Variants in PPP1R12B observed in about 807,000 individuals in gnomAD.
PPP1R12B encodes the protein protein phosphatase 1 regulatory subunit 12B.
Under a neutral mutation model 126.1 loss-of-function variants are expected in PPP1R12B, and 76 were observed. The observed-to-expected ratio is 0.60, with a 90% CI of 0.50 to 0.73. The LOEUF (loss-of-function observed/expected upper bound fraction) is 0.73, where lower values mean the gene tolerates loss of function less well. Ranked by LOEUF, PPP1R12B falls within the 30% of genes least tolerant of loss-of-function variation. PPP1R12B has a pLI of 0.00. For synonymous variants in PPP1R12B, 356 were observed against 434.7 expected (o/e 0.82, Z 2.25); for missense variants, 1,052 against 1,205.1 (o/e 0.87, Z 1.88).
At chr1:202,566,513 T>C (rs1490035469) in intron 21 of PPP1R12B, among the ~76,000 whole-genome samples, 1 of 152,182 alleles carries the variant, frequency 6.6e-6, no homozygotes, top group Non-Finnish European at 1.5e-5. Flanking sequence ...ACCCCAACTC[T>C]AAGGGAGTCA....
chr1:202,579,117 ATTTTCT>A (rs1017887380), intron 23 of PPP1R12B, among the ~76,000 whole-genome samples: 9 of 152,232 alleles, frequency 5.9e-5, no homozygotes, highest in South Asian at 2.1e-4. Context: ...ATATTCAGTA[ATTTTCT>A]TTTTATTTCC....
At chr1:202,387,309 A>C (rs1340402181) in intron 1 of PPP1R12B, among the ~76,000 whole-genome samples, 1 of 152,232 alleles carries the variant, frequency 6.6e-6, no homozygotes, top group Admixed American at 6.5e-5. Context: ...GTTATGTAGA[A>C]GGTTTCATTG....
At chr1:202,369,739 CATGG>C (rs1398097293) in intron 1 of PPP1R12B, 1 of 159,106 alleles carries the variant, frequency 6.3e-6, no homozygotes, top group Non-Finnish European at 1.4e-5. Flanking sequence ...ATAAATAGAC[CATGG>C]AGATTTGGCT....
At chr1:202,457,706 G>A (rs1180168525) in intron 13 of PPP1R12B, among the ~76,000 whole-genome samples, 1 of 152,096 alleles carries the variant, frequency 6.6e-6, no homozygotes, top group Non-Finnish European at 1.5e-5. Flanking sequence ...ATAGAGGAGG[G>A]GAATCTAAAT....
At chr1:202,563,382 G>A (rs1687722463) in intron 20 of PPP1R12B, among the ~76,000 whole-genome samples, 1 of 152,108 alleles carries the variant, frequency 6.6e-6, no homozygotes, top group African/African-American at 2.4e-5. Flanking sequence ...CTCCCAAAGT[G>A]CTGGGATTAC....
chr1:202,396,173 A>G (rs978546274), intron 1 of PPP1R12B, among the ~76,000 whole-genome samples: 1 of 152,194 alleles, frequency 6.6e-6, no homozygotes, highest in African/African-American at 2.4e-5. Flanking sequence ...AAGTGCTTTA[A>G]CATGAGACTT....
rs186270295 is a variant in PPP1R12B, at chr1:202,500,599, C to T, written c.2490+3777C>T. On this transcript the variant is annotated intron_variant, in intron 18 of 23. Coordinates refer to ENST00000608999, the MANE Select transcript of PPP1R12B (RefSeq NM_002481.4). Reference sequence around the variant, plus strand: ...CTGGAGTCTGGAAAAGGGAGATAGTCAGAGGTTGGTTAACAGATATAAAAT... The same window carrying T: ...CTGGAGTCTGGAAAAGGGAGATAGTTAGAGGTTGGTTAACAGATATAAAAT... 1.8e-3 allele frequency among the ~76,000 whole-genome samples: 271 copies of T among 152,112 alleles called. 1 individual carries two copies. Among genetic ancestry groups the T allele is most frequent in the Admixed American group, 4.1e-3 (62 of 15,288 alleles).
chr1:202,535,319 C>T (rs1439545946), intron 18 of PPP1R12B, among the ~76,000 whole-genome samples: 2 of 152,032 alleles, frequency 1.3e-5, no homozygotes, highest in African/African-American at 4.8e-5. Flanking sequence ...TATCAAACAT[C>T]ACCCTTAAAC....
chr1:202,500,280 C>T (rs1572293131), intron 18 of PPP1R12B, among the ~76,000 whole-genome samples: 2 of 151,806 alleles, frequency 1.3e-5, no homozygotes, highest in East Asian at 3.9e-4. Flanking sequence ...AAAGAGATAT[C>T]TGCACCCCTA....
In PPP1R12B at chr1:202,446,247, TA is replaced by T. The variant is rs1428664707; in HGVS notation, c.1668-2741del. 6.6e-3 allele frequency among the ~76,000 whole-genome samples: 433 copies of T among 66,010 alleles called. 3 individuals carry two copies. The highest frequency in any genetic ancestry group is 0.03 in the African/African-American group (400 of 13,342). 43.3% of individuals were successfully genotyped at this position (66,010 alleles called of 152,430 possible). ...CTCTCTCTCTCTCTCTATATATATA[TA>T]TATATATATTTTTTTTTTTTTTTGA... On this transcript the variant is annotated intron_variant, in intron 12 of 23. Coordinates refer to ENST00000608999, the MANE Select transcript of PPP1R12B (RefSeq NM_002481.4).
At chr1:202,443,112 G>A (rs1172880530) in intron 12 of PPP1R12B, 19 of 984,216 alleles carry the variant, frequency 1.9e-5, no homozygotes, top group Non-Finnish European at 2.2e-5. Flanking sequence ...AAACTCGCAA[G>A]TTTGGTGCAG....
At chr1:202,555,386 A>C (rs1033234733) in intron 18 of PPP1R12B, among the ~76,000 whole-genome samples, 2 of 140,476 alleles carry the variant, frequency 1.4e-5, no homozygotes, top group Non-Finnish European at 3.1e-5. Context: ...CAGCTGCCAG[A>C]GTCTACACAG....
At chr1:202,386,354 C>T (rs974786426) in intron 1 of PPP1R12B, among the ~76,000 whole-genome samples, 6 of 151,578 alleles carry the variant, frequency 4.0e-5, no homozygotes, top group Non-Finnish European at 8.8e-5. Context: ...TTTTTTGAGA[C>T]GAAGTCTTGC....
intron 1 of PPP1R12B, among the ~76,000 whole-genome samples, chr1:202,415,796 A>C (rs1667983252): frequency 1.3e-5 from 2 of 152,226 alleles, no homozygotes; most frequent in Non-Finnish European, 2.9e-5. Flanking sequence ...GAAGCCATTC[A>C]GAAAATACAT....
chr1:202,404,507 T>C (rs1666306685), intron 1 of PPP1R12B, among the ~76,000 whole-genome samples: 1 of 152,020 alleles, frequency 6.6e-6, no homozygotes, highest in African/African-American at 2.4e-5. Flanking sequence ...TAAATTTTTA[T>C]TATAATTTTT....
chr1:202,482,522 A>G (rs921298907), intron 13 of PPP1R12B, among the ~76,000 whole-genome samples: 3 of 152,182 alleles, frequency 2.0e-5, no homozygotes, highest in African/African-American at 4.8e-5. Context: ...CTCATTAGCC[A>G]TTTGTATGAC....
intron 8 of PPP1R12B, among the ~76,000 whole-genome samples, chr1:202,432,638 C>G (rs754930103): frequency 3.9e-5 from 6 of 152,156 alleles, no homozygotes; most frequent in Non-Finnish European, 7.4e-5. Context: ...TGAACATGGT[C>G]AGACCAACAA....
chr1:202,462,915 A>G (rs1674501792), intron 13 of PPP1R12B: 6 of 985,228 alleles, frequency 6.1e-6, no homozygotes, highest in Admixed American at 6.2e-5. Flanking sequence ...TGATCTGGCA[A>G]TAGAGTTCCT....
intron 18 of PPP1R12B, among the ~76,000 whole-genome samples, chr1:202,519,510 G>GATCCGCC (rs985811447): frequency 6.6e-6 from 1 of 152,032 alleles, no homozygotes; most frequent in Admixed American, 6.5e-5. Flanking sequence ...GGCCTCAAGT[G>GATCCGCC]ATCCGCCCAC....
Sources: allele counts gnomAD v4.1 joint callset (sites outside exome capture counted in the v4.1 genomes callset), GRCh38; gene constraint gnomAD v4.1.1; transcripts MANE v1.5; gene names NCBI Gene and HGNC (gene_info 2026-07-23, HGNC 2026-07-21).